SCLT1: variants seen among roughly 807,000 people sequenced by gnomAD.
The protein encoded by SCLT1 is sodium channel and clathrin linker 1, also known as sodium channel-associated protein 1.
A neutral mutation model predicts 112.8 loss-of-function variants in SCLT1; 78 were observed. The ratio of observed to expected loss-of-function variants is 0.69; its 90% CI spans 0.58 to 0.83. SCLT1 has a LOEUF of 0.83. SCLT1 is among the 40% of genes least tolerant of loss of function. SCLT1 has a pLI of 0.00. For missense variants in SCLT1, 747 were observed against 770.4 expected, an observed-to-expected ratio of 0.97 and a Z score of 0.36; for synonymous variants, 257 against 254.7, an observed-to-expected ratio of 1.01 and a Z score of -0.09.
chr4:129,002,458 A>C (rs943955951), intron 6 of SCLT1, among the ~76,000 whole-genome samples: 9 of 152,044 alleles, frequency 5.9e-5, no homozygotes, highest in Admixed American at 4.6e-4. Flanking sequence ...TAGTACTCTT[A>C]ATATTCTGAA....
chr4:129,060,706 A>G (rs1050890301), intron 2 of SCLT1, among the ~76,000 whole-genome samples: 3 of 152,116 alleles, frequency 2.0e-5, no homozygotes, highest in African/African-American at 7.2e-5. Context: ...GGGTCCTCCT[A>G]TATTTAATTT....
chr4:128,889,877 T>C (rs1045056014), intron 19 of SCLT1, among the ~76,000 whole-genome samples: 18 of 152,330 alleles, frequency 1.2e-4, no homozygotes, highest in East Asian at 7.7e-4. Context: ...AAACTTATAG[T>C]TCCCATGTCC....
At chr4:129,069,222 T>C (rs1287044349) in intron 2 of SCLT1, among the ~76,000 whole-genome samples, 1 of 152,208 alleles carries the variant, frequency 6.6e-6, no homozygotes, top group Non-Finnish European at 1.5e-5. Context: ...CCTCCAGATT[T>C]GTTCTTTTTG....
intron 4 of SCLT1, chr4:129,039,952 A>G: frequency 2.0e-6 from 1 of 509,920 alleles, no homozygotes; most frequent in East Asian, 3.2e-5. Context: ...ATTTACATGT[A>G]AAAGCATGCA....
At chr4:129,029,637 C>G (rs1211850357) in intron 5 of SCLT1, among the ~76,000 whole-genome samples, 1 of 151,884 alleles carries the variant, frequency 6.6e-6, no homozygotes, top group Non-Finnish European at 1.5e-5. Flanking sequence ...CGTAACCAAT[C>G]TGCACATTGT....
intron 7 of SCLT1, among the ~76,000 whole-genome samples, chr4:128,998,168 G>A (rs1196561163): frequency 6.6e-6 from 1 of 151,760 alleles, no homozygotes; most frequent in Non-Finnish European, 1.5e-5. Context: ...TTTATTTTAT[G>A]TCAAATAATT....
intron 17 of SCLT1, among the ~76,000 whole-genome samples, chr4:128,938,977 C>A (rs549796914): frequency 6.6e-6 from 1 of 152,132 alleles, no homozygotes; most frequent in Admixed American, 6.6e-5. Context: ...GCTTCTCAAA[C>A]AAACAACAAA....
intron 5 of SCLT1, among the ~76,000 whole-genome samples, chr4:129,024,625 T>A (rs1254134880): frequency 1.3e-5 from 2 of 152,018 alleles, no homozygotes; most frequent in Admixed American, 1.3e-4. Context: ...AACTGGAAAC[T>A]CTAAAAAGCA....
chr4:128,898,089 C>G (rs1733937385), intron 18 of SCLT1, among the ~76,000 whole-genome samples: 1 of 152,116 alleles, frequency 6.6e-6, no homozygotes, highest in Non-Finnish European at 1.5e-5. Flanking sequence ...CTTTAACACC[C>G]CACTGTCAAC....
At chr4:128,897,921 A>C (rs1051111522) in intron 18 of SCLT1, among the ~76,000 whole-genome samples, 3 of 152,208 alleles carry the variant, frequency 2.0e-5, no homozygotes, top group African/African-American at 7.2e-5. Flanking sequence ...CAAAAGAGAC[A>C]AAGAAGGCCA....
At chr4:128,908,331 T>C (rs909842322) in intron 18 of SCLT1, among the ~76,000 whole-genome samples, 1 of 151,072 alleles carries the variant, frequency 6.6e-6, no homozygotes, top group Admixed American at 6.6e-5. Flanking sequence ...TTAGTAATTA[T>C]GTATTTTGTA....
At chr4:128,878,690 C>A (rs1312930639) in intron 3 of SCLT1, among the ~76,000 whole-genome samples, 2 of 151,992 alleles carry the variant, frequency 1.3e-5, no homozygotes, top group Non-Finnish European at 2.9e-5. Flanking sequence ...TTTTTTTGGT[C>A]GATTAAAATT....
chr4:128,937,362 A>C (rs1181985370), intron 17 of SCLT1, among the ~76,000 whole-genome samples: 1 of 152,134 alleles, frequency 6.6e-6, no homozygotes, highest in African/African-American at 2.4e-5. Context: ...ATGTTATGTC[A>C]GTAAAACTAG....
At chr4:128,879,422 A>G (rs140020246), downstream of SCLT1, among the ~76,000 whole-genome samples, 104 of 152,312 alleles carry the variant, frequency 6.8e-4, no homozygotes, top group African/African-American at 2.5e-3. Flanking sequence ...AATCACTGTC[A>G]GCAAATGGGA....
chr4:129,016,072 T>C (rs539250871), intron 5 of SCLT1, among the ~76,000 whole-genome samples: 1 of 152,354 alleles, frequency 6.6e-6, no homozygotes, highest in South Asian at 2.1e-4. Flanking sequence ...TTTTCAGTTC[T>C]AGAATGTTTT....
chr4:129,063,547 G>A (rs1480013382), intron 2 of SCLT1, among the ~76,000 whole-genome samples: 1 of 152,170 alleles, frequency 6.6e-6, no homozygotes, highest in Non-Finnish European at 1.5e-5. Context: ...TCCCCATCTA[G>A]GGGGTGCACA....
chr4:128,978,653 A>G (rs1481264818), intron 9 of SCLT1, among the ~76,000 whole-genome samples: 1 of 152,138 alleles, frequency 6.6e-6, no homozygotes, highest in Non-Finnish European at 1.5e-5. Flanking sequence ...CTGAATCCAA[A>G]CTGAAGAAAA....
intron 1 of SCLT1, among the ~76,000 whole-genome samples, chr4:129,085,171 C>A (rs1752283914): frequency 6.6e-6 from 1 of 151,858 alleles, no homozygotes; most frequent in Admixed American, 6.6e-5. Flanking sequence ...AACAAATTTA[C>A]AAGAAAAAAA....
chr4:129,056,859 A>C (rs1749443412), intron 2 of SCLT1, among the ~76,000 whole-genome samples: 1 of 152,182 alleles, frequency 6.6e-6, no homozygotes. Flanking sequence ...TAGGACTCCC[A>C]TACTAAGTTG....
Sources: gnomAD v4.1 joint callset for allele counts (sites outside exome capture counted in the v4.1 genomes callset) on GRCh38, gnomAD v4.1.1 for gene constraint, MANE v1.5 for transcripts, NCBI Gene and HGNC (gene_info 2026-07-23, HGNC 2026-07-21) for gene names.